NKAIN3: variants seen among roughly 807,000 people sequenced by gnomAD.
NKAIN3 encodes the protein sodium/potassium-transporting ATPase subunit beta-1-interacting protein 3.
In NKAIN3, 25 loss-of-function variants were observed where a neutral mutation model predicts 30.2. That is an observed-to-expected ratio of 0.83 (90% CI 0.60 to 1.16). The LOEUF (loss-of-function observed/expected upper bound fraction) is 1.16, where lower values mean the gene tolerates loss of function less well. Ranked by LOEUF, NKAIN3 falls within the 50% of genes most tolerant of loss-of-function variation. NKAIN3 has a pLI of 0.00. For synonymous variants in NKAIN3, 91 were observed against 89.6 expected, an observed-to-expected ratio of 1.02 and a Z score of -0.09; for missense variants, 225 against 254.1, an observed-to-expected ratio of 0.89 and a Z score of 0.78.
chr8:62,626,823 G>A (rs1811802806), intron 3 of NKAIN3, among the ~76,000 whole-genome samples: 1 of 152,110 alleles, frequency 6.6e-6, no homozygotes, highest in Non-Finnish European at 1.5e-5. Flanking sequence ...TTCCCATAGG[G>A]TCTCAGTGCT....
intron 4 of NKAIN3, among the ~76,000 whole-genome samples, chr8:62,834,936 A>G (rs1226176875): frequency 1.3e-5 from 2 of 152,182 alleles, no homozygotes; most frequent in Admixed American, 1.3e-4. Flanking sequence ...AATATACAAT[A>G]AGGCAGCAGT....
intron 3 of NKAIN3, among the ~76,000 whole-genome samples, chr8:62,613,080 C>A (rs1811343637): frequency 6.6e-6 from 1 of 151,934 alleles, no homozygotes; most frequent in South Asian, 2.1e-4. Flanking sequence ...TTATAGTATT[C>A]TGTGTTTTTC....
chr8:62,412,306 A>C (rs1381811192), intron 1 of NKAIN3, among the ~76,000 whole-genome samples: 1 of 120,700 alleles, frequency 8.3e-6, no homozygotes, highest in African/African-American at 2.5e-5. Flanking sequence ...TGACAAACAA[A>C]AACAAACAAA....
chr8:62,266,181 T>C (rs976975308), intron 1 of NKAIN3, among the ~76,000 whole-genome samples: 1 of 152,108 alleles, frequency 6.6e-6, no homozygotes, highest in Non-Finnish European at 1.5e-5. Flanking sequence ...CCTTACTCCA[T>C]AGGAAATGAA....
chr8:62,724,282 T>A lies in NKAIN3; in HGVS notation c.274-22650T>A, dbSNP rs546807930. On this transcript the variant is annotated intron_variant, in intron 3 of 6. Transcript: ENST00000623646. Reference sequence around the variant, plus strand: ...TTTGTGAGTACGTAGTAGGTGCATGTTTACAAGGTGTATGAGATATTTTGA... The same window carrying A: ...TTTGTGAGTACGTAGTAGGTGCATGATTACAAGGTGTATGAGATATTTTGA... Among the ~76,000 whole-genome samples the A allele has an allele frequency of 2.7e-4, 41 of 152,234 alleles. 1 individual carries two copies. In the South Asian group the frequency reaches 8.5e-3, roughly 32 times the overall value.
At chr8:62,709,352 G>A (rs1306778704) in intron 3 of NKAIN3, among the ~76,000 whole-genome samples, 1 of 152,032 alleles carries the variant, frequency 6.6e-6, no homozygotes, top group East Asian at 1.9e-4. Flanking sequence ...TCTGGTCCTG[G>A]ACTTTCCTTT....
chr8:62,603,430 G>A (rs1811038682), intron 3 of NKAIN3, among the ~76,000 whole-genome samples: 1 of 152,102 alleles, frequency 6.6e-6, no homozygotes, highest in Admixed American at 6.6e-5. Flanking sequence ...CAGGAGCAGA[G>A]GAGCCTCAGA....
At chr8:62,788,250 T>C (rs1368447501) in intron 4 of NKAIN3, among the ~76,000 whole-genome samples, 1 of 152,236 alleles carries the variant, frequency 6.6e-6, no homozygotes, top group Non-Finnish European at 1.5e-5. Flanking sequence ...TGAGATGGTA[T>C]CTCATTATGG....
At chr8:62,998,499 T>A (rs1444110222) in intron 5 of NKAIN3, among the ~76,000 whole-genome samples, 1 of 152,188 alleles carries the variant, frequency 6.6e-6, no homozygotes, top group Non-Finnish European at 1.5e-5. Flanking sequence ...GGTCTTGAAC[T>A]CCTGACCTCA....
intron 3 of NKAIN3, among the ~76,000 whole-genome samples, chr8:62,655,509 G>A (rs1436074406): frequency 1.3e-5 from 2 of 152,068 alleles, no homozygotes; most frequent in African/African-American, 2.4e-5. Context: ...TCACTATAGG[G>A]ATGAACAAAG....
At chr8:62,702,761 G>T (rs1168397457) in intron 3 of NKAIN3, among the ~76,000 whole-genome samples, 1 of 152,106 alleles carries the variant, frequency 6.6e-6, no homozygotes, top group Non-Finnish European at 1.5e-5. Flanking sequence ...TAGTTCTGTT[G>T]TTGTAGAACC....
At position 62,977,692 on chromosome 8, in the gene NKAIN3, T is replaced by C. The variant is rs760834652; in HGVS notation, c.*12285T>C. Among the ~76,000 whole-genome samples, 3 of 152,098 alleles carry C rather than the reference T, an allele frequency of 2.0e-5. No individual in the cohort carries two copies. Among genetic ancestry groups the C allele is most frequent in the Non-Finnish European group, 4.4e-5 (3 of 68,018 alleles). On this transcript the variant is annotated 3_prime_UTR_variant, in exon 7 of 7. Transcript: ENST00000623646. ...GCTCTGAGGAGTTCGTTATTACCCA[T>C]CTTCTGAAGCTTACTTCTGTCAATT...
intron 1 of NKAIN3, among the ~76,000 whole-genome samples, chr8:62,292,152 C>T (rs1487770108): frequency 6.6e-6 from 1 of 151,820 alleles, no homozygotes; most frequent in African/African-American, 2.4e-5. Flanking sequence ...AGATGGGTCT[C>T]CTGAATGCAG....
chr8:62,970,263 G>T lies in NKAIN3; in HGVS notation c.*4856G>T, dbSNP rs138587061. 0.012 allele frequency among the ~76,000 whole-genome samples: 1,799 copies of T among 152,062 alleles called. 28 individuals are homozygous for T. Among genetic ancestry groups the T allele is most frequent in the Middle Eastern group, 0.024 (7 of 290 alleles). On this transcript the variant is annotated 3_prime_UTR_variant, in exon 7 of 7. Transcript: ENST00000623646. ...AGTAGATATGTTTTAATTATTAGAA[G>T]AAGGTATTTATCAATAAAGAATTCT...
chr8:62,492,655 A>T (rs1332253655), intron 1 of NKAIN3, among the ~76,000 whole-genome samples: 1 of 152,180 alleles, frequency 6.6e-6, no homozygotes, highest in Non-Finnish European at 1.5e-5. Flanking sequence ...AAATGTCAGC[A>T]ATACAATTTT....
chr8:62,252,297 A>G (rs971384816), intron 1 of NKAIN3, among the ~76,000 whole-genome samples: 3 of 152,210 alleles, frequency 2.0e-5, no homozygotes. Context: ...CTTAACTGGG[A>G]GGTCATCACA....
chr8:62,411,292 G>A (rs1242096209), intron 1 of NKAIN3, among the ~76,000 whole-genome samples: 1 of 152,022 alleles, frequency 6.6e-6, no homozygotes. Flanking sequence ...AGAATTAAAA[G>A]CAAAAACATG....
intron 1 of NKAIN3, among the ~76,000 whole-genome samples, chr8:62,381,882 A>C (rs1817291541): frequency 6.6e-6 from 1 of 152,146 alleles, no homozygotes; most frequent in Non-Finnish European, 1.5e-5. Flanking sequence ...CTTCTGGTTA[A>C]ATTCCATCAA....
intron 1 of NKAIN3, among the ~76,000 whole-genome samples, chr8:62,571,603 A>G (rs1416855744): frequency 6.6e-6 from 1 of 152,032 alleles, no homozygotes; most frequent in Non-Finnish European, 1.5e-5. Context: ...ACACTGCCCT[A>G]GCAGAGGATC....
Sources: allele counts gnomAD v4.1 joint callset (sites outside exome capture counted in the v4.1 genomes callset), GRCh38; gene constraint gnomAD v4.1.1; transcripts MANE v1.5; gene names NCBI Gene and HGNC (gene_info 2026-07-23, HGNC 2026-07-21).